The following ZBTB8B variants were observed in gnomAD, a reference collection of about 807,000 sequenced individuals.
ZBTB8B encodes zinc finger and BTB domain containing 8B, also known as zinc finger and BTB domain-containing protein 8B.
Under a neutral mutation model 30.3 loss-of-function variants are expected in ZBTB8B, and 17 were observed. That is an observed-to-expected ratio of 0.56 (90% CI 0.38 to 0.84). The LOEUF is 0.84. Ranked by LOEUF, ZBTB8B falls within the 40% of genes least tolerant of loss-of-function variation. ZBTB8B has a pLI of 0.00. For synonymous variants in ZBTB8B, 248 were observed against 255.6 expected, an observed-to-expected ratio of 0.97 and a Z score of 0.28; for missense variants, 515 against 644.9, an observed-to-expected ratio of 0.80 and a Z score of 2.18.
At position 32,485,856 on chromosome 1, in the gene ZBTB8B, C is replaced by G. The variant is rs779160212; in HGVS notation, c.*438C>G. 1.2e-4 allele frequency: 20 copies of G among 166,986 alleles called. No homozygotes were observed. Among genetic ancestry groups the G allele is most frequent in the Non-Finnish European group, 2.4e-4 (18 of 76,292 alleles). The allele number at this position is 166,986 out of a possible 1,614,324, so 10.3% of individuals were successfully genotyped here. On this transcript the variant is annotated 3_prime_UTR_variant, in exon 4 of 4. Transcript: ENST00000609129. ...TTTGCCAAGCCTTTCCTAATGAATT[C>G]CACATTAAATTTTCTGGCAAAGTAT...
At chr1:32,466,823 G>A (rs112672497) in intron 1 of ZBTB8B, among the ~76,000 whole-genome samples, 143 of 152,146 alleles carry the variant, frequency 9.4e-4, no homozygotes, top group African/African-American at 3.2e-3. Context: ...AGTGTTGTGC[G>A]TACTTACATA....
intron 3 of ZBTB8B, among the ~76,000 whole-genome samples, chr1:32,482,669 C>CAAAAAAA (rs1050028688): frequency 1.5e-4 from 6 of 40,058 alleles, no homozygotes; most frequent in African/African-American, 1.9e-4. Context: ...GACTCCGTGT[C>CAAAAAAA]AAAAAAAAAA....
chr1:32,469,684 G>A (rs767482207), intron 1 of ZBTB8B, among the ~76,000 whole-genome samples: 2 of 152,038 alleles, frequency 1.3e-5, no homozygotes, highest in Non-Finnish European at 2.9e-5. Context: ...GTTACAACTG[G>A]GTCATCTCCT....
rs1161504007 is a variant in ZBTB8B at position 32,489,597 on chromosome 1, C to T, written c.*4179C>T. ...ATACTAAGTAAATTTACAGTTGAGC[C>T]CAACACAGACCGTTAGTGGTTTAGT... On this transcript the variant is annotated 3_prime_UTR_variant, in exon 4 of 4. Transcript: ENST00000609129. 1.3e-5 allele frequency: 2 copies of T among 152,052 alleles called. No homozygotes were observed. Among genetic ancestry groups the T allele is most frequent in the Non-Finnish European group, 2.9e-5 (2 of 68,010 alleles). 9.4% of individuals were successfully genotyped at this position (152,052 alleles called of 1,614,324 possible). A position where few individuals can be genotyped will look rare whatever the true frequency, so the allele number is the denominator to read the frequency against.
chr1:32,475,973 A>G (rs748848025), intron 2 of ZBTB8B, among the ~76,000 whole-genome samples: 5 of 151,890 alleles, frequency 3.3e-5, no homozygotes, highest in Non-Finnish European at 7.4e-5. Context: ...GGGCATCACC[A>G]TGCCCAGCTA....
Position 32,480,764 on chromosome 1 carries a change from G to A in ZBTB8B, c.992-127G>A, listed in dbSNP as rs575101496. ...CGATGTCTTGCTGTTGGCTGGTGGC[G>A]GAGTTGGTGTCCTCCTCTTCTATCT... On this transcript the variant is annotated intron_variant, in intron 2 of 3. Coordinates refer to ENST00000609129, the MANE Select transcript of ZBTB8B (RefSeq NM_001145720.2). 5.1e-4 allele frequency: 409 copies of A among 794,764 alleles called. 1 individual carries two copies. Among genetic ancestry groups the A allele is most frequent in the African/African-American group, 2.4e-3 (139 of 57,444 alleles). 49.2% of individuals were successfully genotyped at this position (794,764 alleles called of 1,614,324 possible). A position where few individuals can be genotyped will look rare whatever the true frequency, so the allele number is the denominator to read the frequency against.
rs892288615 is a variant in ZBTB8B, at chr1:32,484,412, T to C, written c.1171-689T>C. ...AGAATCGCTAGGTGGAGGCCCTAAC[T>C]GGCCTAGAGCATCAGGAAAGACCTC... On this transcript the variant is annotated intron_variant, in intron 3 of 3. Coordinates refer to ENST00000609129, the MANE Select transcript of ZBTB8B (RefSeq NM_001145720.2). The surrounding 1 kb of genome is among the most constrained non-coding windows in gnomAD (Gnocchi z 4.5). 6.6e-6 allele frequency among the ~76,000 whole-genome samples: 1 copy of C among 152,086 alleles called. No individual in the cohort carries two copies. The highest frequency in any genetic ancestry group is 1.5e-5 in the Non-Finnish European group (1 of 68,014).
intron 2 of ZBTB8B, among the ~76,000 whole-genome samples, chr1:32,478,362 AT>A (rs999066899): frequency 2.6e-5 from 4 of 151,842 alleles, no homozygotes; most frequent in African/African-American, 9.7e-5. Flanking sequence ...AAATACAAAA[AT>A]TAGCCAGGCA....
rs1408602675 is a variant in ZBTB8B at position 32,492,000 on chromosome 1, A to G, written c.*6582A>G. The G allele has an allele frequency of 6.6e-6, 1 of 152,214 alleles. No individual in the cohort carries two copies. Among genetic ancestry groups the G allele is most frequent in the Admixed American group, 6.5e-5 (1 of 15,278 alleles). The allele number at this position is 152,214 out of a possible 1,614,324, so 9.4% of individuals were successfully genotyped here. A position where few individuals can be genotyped will look rare whatever the true frequency, so the allele number is the denominator to read the frequency against. Reference sequence around the variant, plus strand: ...CCAGAGGAATTTCCTAGTAAAATATAACCCACCCTAACTCATTTTTCCTTT... The same window carrying G: ...CCAGAGGAATTTCCTAGTAAAATATGACCCACCCTAACTCATTTTTCCTTT... On this transcript the variant is annotated 3_prime_UTR_variant, in exon 4 of 4. Coordinates refer to ENST00000609129, the MANE Select transcript of ZBTB8B (RefSeq NM_001145720.2).
chr1:32,472,739 G>A (rs771786216), intron 2 of ZBTB8B, among the ~76,000 whole-genome samples: 12 of 152,112 alleles, frequency 7.9e-5, no homozygotes, highest in Non-Finnish European at 1.6e-4. Flanking sequence ...TCAGCCTCCC[G>A]AGTAGCTGGG....
rs565551767 is a variant in ZBTB8B, at chr1:32,476,995, C to T, written c.992-3896C>T. Among the ~76,000 whole-genome samples, 118 of 152,180 alleles carry T rather than the reference C, an allele frequency of 7.8e-4. 1 individual carries two copies. The highest frequency in any genetic ancestry group is 2.7e-3 in the African/African-American group (111 of 41,524). On this transcript the variant is annotated intron_variant, in intron 2 of 3. Transcript: ENST00000609129. Reference sequence around the variant, plus strand: ...TGACCATCACAATCTAGTTCTTGTCCCTTCCTTGCCCTCATTCCTAACCCC... The same window carrying T: ...TGACCATCACAATCTAGTTCTTGTCTCTTCCTTGCCCTCATTCCTAACCCC...
rs1440795215 is a variant in ZBTB8B at position 32,495,957 on chromosome 1, C to T, written c.*10539C>T. 6.6e-6 allele frequency: 1 copy of T among 151,564 alleles called. No individual in the cohort carries two copies. The highest frequency in any genetic ancestry group is 1.5e-5 in the Non-Finnish European group (1 of 67,922). The allele number at this position is 151,564 out of a possible 1,614,324, so 9.4% of individuals were successfully genotyped here. A position where few individuals can be genotyped will look rare whatever the true frequency, so the allele number is the denominator to read the frequency against. On this transcript the variant is annotated 3_prime_UTR_variant, in exon 4 of 4. Coordinates refer to ENST00000609129, the MANE Select transcript of ZBTB8B (RefSeq NM_001145720.2). ...TCGTCTCACATTAATGAGTGAATAA[C>T]CCTTCATAATTTTAGTTACTGTTTT...
chr1:32,495,761 A>C lies in ZBTB8B; in HGVS notation c.*10343A>C, dbSNP rs1393789358. 1 of 152,216 alleles carries C rather than the reference A, an allele frequency of 6.6e-6. No individual in the cohort carries two copies. Among genetic ancestry groups the C allele is most frequent in the African/African-American group, 2.4e-5 (1 of 41,452 alleles). The allele number at this position is 152,216 out of a possible 1,614,324, so 9.4% of individuals were successfully genotyped here. Reference sequence around the variant, plus strand: ...GCTGGGTGTGGTAGTGTACACCTGTAGTCCCAGCTACTCCAAAGGCTGAGG... The same window carrying C: ...GCTGGGTGTGGTAGTGTACACCTGTCGTCCCAGCTACTCCAAAGGCTGAGG... On this transcript the variant is annotated 3_prime_UTR_variant, in exon 4 of 4. Coordinates refer to ENST00000609129, the MANE Select transcript of ZBTB8B (RefSeq NM_001145720.2).
intron 2 of ZBTB8B, among the ~76,000 whole-genome samples, chr1:32,473,167 G>A (rs1417509633): frequency 1.3e-5 from 2 of 152,176 alleles, no homozygotes; most frequent in Non-Finnish European, 2.9e-5. Context: ...AAGGCTGGGC[G>A]CGGCGGCACG....
rs894175429 is a variant in ZBTB8B, at chr1:32,492,086, T to C, written c.*6668T>C. On this transcript the variant is annotated 3_prime_UTR_variant, in exon 4 of 4. Transcript: ENST00000609129. ...TTAATAGACAGTTTGCAAATTTTGG[T>C]AAGGTGTGTGTAAGAGTTGGCTTAA... 2 of 152,174 alleles carry C rather than the reference T, an allele frequency of 1.3e-5. No individual in the cohort carries two copies. Among genetic ancestry groups the C allele is most frequent in the African/African-American group, 4.8e-5 (2 of 41,450 alleles). The allele number at this position is 152,174 out of a possible 1,614,324, so 9.4% of individuals were successfully genotyped here. A position where few individuals can be genotyped will look rare whatever the true frequency, so the allele number is the denominator to read the frequency against.
intron 1 of ZBTB8B, among the ~76,000 whole-genome samples, chr1:32,466,024 G>A (rs77799942): frequency 0.1 from 15,649 of 152,222 alleles, 874 homozygotes; most frequent in Non-Finnish European, 0.13. Context: ...CTGGGCAACC[G>A]AGCAAGACCG....
chr1:32,495,529 C>A lies in ZBTB8B; in HGVS notation c.*10111C>A, dbSNP rs1051371813. On this transcript the variant is annotated 3_prime_UTR_variant, in exon 4 of 4. Transcript: ENST00000609129. ...ATTTATATACAGTCAGATTGAAACA[C>A]CCTAGTTACAAGTTTAGAATAGGAG... 9 of 152,078 alleles carry A rather than the reference C, an allele frequency of 5.9e-5. No homozygotes were observed. In the South Asian group the frequency reaches 1.0e-3, roughly 17 times the overall value. 9.4% of individuals were successfully genotyped at this position (152,078 alleles called of 1,614,324 possible).
intron 2 of ZBTB8B, among the ~76,000 whole-genome samples, chr1:32,472,015 CTACCATCATCACCAGTACCATCATCAT>C (rs1423984014): frequency 2.0e-5 from 3 of 151,282 alleles, no homozygotes; most frequent in South Asian, 2.1e-4. Context: ...ATCATCATCA[CTACCATCATCACCAGTACCATCATCAT>C]TACCATCATC....
chr1:32,477,283 T>G (rs1187303986), intron 2 of ZBTB8B, among the ~76,000 whole-genome samples: 1 of 152,212 alleles, frequency 6.6e-6, no homozygotes, highest in African/African-American at 2.4e-5. Context: ...CTGCTAGACT[T>G]AACTTCTTGA....
Sources: allele counts gnomAD v4.1 joint callset (sites outside exome capture counted in the v4.1 genomes callset), GRCh38; gene constraint gnomAD v4.1.1; non-coding constraint Gnocchi (gnomAD v3.1); transcripts MANE v1.5; gene names NCBI Gene and HGNC (gene_info 2026-07-23, HGNC 2026-07-21).